Variants in PCDHGA2 observed in about 807,000 individuals in gnomAD.
The protein encoded by PCDHGA2 is protocadherin gamma-A2.
In PCDHGA2, 40 loss-of-function variants were observed where a neutral mutation model predicts 59.2. The observed-to-expected ratio is 0.68, with a 90% CI of 0.52 to 0.88. The LOEUF (loss-of-function observed/expected upper bound fraction) is 0.88. PCDHGA2 is among the 40% of genes least tolerant of loss of function. The probability of loss-of-function intolerance (pLI) is 0.00; values close to 1 mark genes in which losing one functional copy is unlikely to be tolerated. For synonymous variants in PCDHGA2, 560 were observed against 526.0 expected (o/e 1.06, Z -0.89); for missense variants, 1,226 against 1,204.0 (o/e 1.02, Z -0.27).
intron 1 of PCDHGA2, chr5:141,430,824 C>T: frequency 6.5e-7 from 1 of 1,547,704 alleles, no homozygotes; most frequent in Non-Finnish European, 8.7e-7. Flanking sequence ...CTCCTGGGGA[C>T]TCTGTGGGAG....
chr5:141,343,841 C>T (rs923014432), intron 1 of PCDHGA2: 14 of 511,610 alleles, frequency 2.7e-5, no homozygotes, highest in Non-Finnish European at 4.1e-5. Context: ...CATTTCCTTG[C>T]TCCTAAAATG....
chr5:141,485,601 G>T lies in PCDHGA2; in HGVS notation c.2425-9206G>T, dbSNP rs762783104. On this transcript the variant is annotated intron_variant, in intron 1 of 3. Transcript: ENST00000394576. The surrounding 1 kb of genome is among the most constrained non-coding windows in gnomAD (Gnocchi z 5.7). ...CGGCAGCAGCTGGACTTGGAAATTG[G>T]GGAGGCAGCTCCTCCAGGACAGCGT... The T allele has an allele frequency of 3.1e-6, 5 of 1,612,290 alleles. No individual in the cohort carries two copies. Among genetic ancestry groups the T allele is most frequent in the Non-Finnish European group, 4.2e-6 (5 of 1,178,722 alleles).
chr5:141,414,519 T>C (rs754685087), intron 1 of PCDHGA2: 6 of 1,613,856 alleles, frequency 3.7e-6, no homozygotes, highest in Non-Finnish European at 5.1e-6. Context: ...AAGTGGCAGA[T>C]ATCAATGACA....
rs934044974 is a variant in PCDHGA2, at chr5:141,476,034, C to T, written c.2425-18773C>T. 3 of 1,464,488 alleles carry T rather than the reference C, an allele frequency of 2.0e-6. No individual in the cohort carries two copies. The highest frequency in any genetic ancestry group is 2.3e-5 in the Admixed American group (1 of 44,364). The allele number at this position is 1,464,488 out of a possible 1,614,324, so 90.7% of individuals were successfully genotyped here. A position where few individuals can be genotyped will look rare whatever the true frequency, so the allele number is the denominator to read the frequency against. On this transcript the variant is annotated intron_variant, in intron 1 of 3. Transcript: ENST00000394576. The surrounding 1 kb of genome is among the most constrained non-coding windows in gnomAD (Gnocchi z 7.6). ...CCATGTCGGACTCGGCGCCCAGCGC[C>T]CAAGCGCTAACCCGCTGAAAGTTTC...
chr5:141,452,165 C>T (rs917431071), intron 1 of PCDHGA2, among the ~76,000 whole-genome samples: 2 of 152,120 alleles, frequency 1.3e-5, no homozygotes, highest in African/African-American at 4.8e-5. Flanking sequence ...TATTCTATTA[C>T]TAACATTTTT....
chr5:141,357,361 A>G, intron 1 of PCDHGA2: 1 of 1,614,126 alleles, frequency 6.2e-7, no homozygotes, highest in Non-Finnish European at 8.5e-7. Flanking sequence ...ACGCTGGCAC[A>G]AGTCACGCCT....
intron 1 of PCDHGA2, among the ~76,000 whole-genome samples, chr5:141,454,172 CAGCTAAAGG>C (rs1351117555): frequency 6.6e-6 from 1 of 152,126 alleles, no homozygotes; most frequent in Admixed American, 6.5e-5. Context: ...TCTAGAAGGG[CAGCTAAAGG>C]AGCTTAGTGA....
chr5:141,485,938 A>G lies in PCDHGA2; in HGVS notation c.2425-8869A>G. The stretch of plus-strand genomic sequence containing the variant: ...ACAGGATTAGTGTGTTGGAGAGCGC[A>G]CCAGCGGGCATGGTGCTCATCCAGC... On this transcript the variant is annotated intron_variant, in intron 1 of 3. Transcript: ENST00000394576. The surrounding 1 kb of genome is among the most constrained non-coding windows in gnomAD (Gnocchi z 5.7). 6.2e-7 allele frequency: 1 copy of G among 1,614,162 alleles called. No individual in the cohort carries two copies. The highest frequency in any genetic ancestry group is 1.3e-5 in the African/African-American group (1 of 75,028).
chr5:141,478,497 CGGTGTTCTATAGGCA>C, intron 1 of PCDHGA2: 1 of 1,612,820 alleles, frequency 6.2e-7, no homozygotes, highest in South Asian at 1.1e-5. Flanking sequence ...AGCTGTGATC[CGGTGTTCTATAGGCA>C]GGTGTTGGGT....
rs1028054307 is a variant in PCDHGA2 at position 141,417,708 on chromosome 5, G to A, written c.2424+76313G>A. The A allele has an allele frequency of 2.4e-5, 29 of 1,227,762 alleles. No homozygotes were observed. In the South Asian group the frequency reaches 2.9e-4, roughly 12 times the overall value. 76.1% of individuals were successfully genotyped at this position (1,227,762 alleles called of 1,614,324 possible). On this transcript the variant is annotated intron_variant, in intron 1 of 3. Transcript: ENST00000394576. ...AAAGAAAACCAGCTCCCACACAGAG[G>A]CTCCCGGCTGCGCAGACCTTGCCCA... is the stretch of plus-strand genomic sequence containing the variant.
At chr5:141,370,234 A>G (rs1034949073) in intron 1 of PCDHGA2, 24 of 600,046 alleles carry the variant, frequency 4.0e-5, no homozygotes, top group African/African-American at 3.2e-4. Flanking sequence ...CCAGCTCGGA[A>G]GAAAAGTGCA....
At chr5:141,469,929 G>C (rs1208858245) in intron 1 of PCDHGA2, among the ~76,000 whole-genome samples, 1 of 152,168 alleles carries the variant, frequency 6.6e-6, no homozygotes, top group Non-Finnish European at 1.5e-5. Context: ...TCAGGAGTTT[G>C]AGACCAGCCT....
intron 2 of PCDHGA2, among the ~76,000 whole-genome samples, chr5:141,502,908 C>G (rs1398336138): frequency 1.5e-5 from 2 of 132,418 alleles, no homozygotes; most frequent in Non-Finnish European, 3.0e-5. Flanking sequence ...TGTTGCCAGG[C>G]TGGAGTGCAG....
At chr5:141,421,880 G>C in intron 1 of PCDHGA2, 1 of 1,613,718 alleles carries the variant, frequency 6.2e-7, no homozygotes, top group Admixed American at 1.7e-5. Flanking sequence ...GCTTTAGATG[G>C]AGGCGATCCC....
At chr5:141,478,864 A>G in intron 1 of PCDHGA2, 1 of 1,322,156 alleles carries the variant, frequency 7.6e-7, no homozygotes, top group Non-Finnish European at 1.0e-6. Flanking sequence ...GATCTCAGCG[A>G]TCAGAGTTTA....
chr5:141,354,091 C>T (rs1759467411), intron 1 of PCDHGA2, among the ~76,000 whole-genome samples: 1 of 152,152 alleles, frequency 6.6e-6, no homozygotes, highest in East Asian at 1.9e-4. Flanking sequence ...CTTTTACTGG[C>T]TATTTCTAAA....
In PCDHGA2 at chr5:141,339,186, C is replaced by T. The variant is rs751718275; in HGVS notation, c.215C>T (p.Ser72Phe). The change falls in exon 1 of 4, where the codon TCC (serine) becomes TTC (phenylalanine). Residue 72 changes from serine (S) to phenylalanine (F), a missense_variant. Coordinates refer to ENST00000394576, the MANE Select transcript of PCDHGA2 (RefSeq NM_018915.4). The part of the protein sequence containing the change: ...QGVRIVSRGR[S>F]QLFALNPRSG... ...GTCCGCATCGTCTCCAGAGGTAGGT[C>T]CCAGCTCTTTGCTCTGAACCCGCGA... 2 of 1,614,002 alleles carry T rather than the reference C, an allele frequency of 1.2e-6. No individual in the cohort carries two copies. Among genetic ancestry groups the T allele is most frequent in the Non-Finnish European group, 1.7e-6 (2 of 1,179,964 alleles).
chr5:141,359,058 A>G (rs1335887874), intron 1 of PCDHGA2, among the ~76,000 whole-genome samples: 1 of 152,254 alleles, frequency 6.6e-6, no homozygotes, highest in African/African-American at 2.4e-5. Flanking sequence ...AATATGCCTC[A>G]ATTTGACTTA....
chr5:141,379,025 A>T (rs1320260929), intron 1 of PCDHGA2: 4 of 152,244 alleles, frequency 2.6e-5, no homozygotes, highest in African/African-American at 9.6e-5. Flanking sequence ...GAGTTGGAAG[A>T]TTCTACAATC....
Sources: gnomAD v4.1 joint callset for allele counts (sites outside exome capture counted in the v4.1 genomes callset) on GRCh38, gnomAD v4.1.1 for gene constraint, Gnocchi (gnomAD v3.1) non-coding constraint, MANE v1.5 for transcripts, NCBI Gene and HGNC (gene_info 2026-07-23, HGNC 2026-07-21) for gene names.